Variants in PCLO observed in about 807,000 individuals in gnomAD.
PCLO encodes the protein protein piccolo.
In PCLO, 82 loss-of-function variants were observed where a neutral mutation model predicts 427.5. The ratio of observed to expected loss-of-function variants is 0.19; its 90% CI spans 0.16 to 0.23. The LOEUF (loss-of-function observed/expected upper bound fraction) is 0.23, where lower values mean the gene tolerates loss of function less well. Among genes scored for constraint, PCLO ranks in the 10% least tolerant of loss-of-function variants. The pLI is 1.00. For missense variants in PCLO, 6,239 were observed against 6,115.9 expected (o/e 1.02, Z -0.67); for synonymous variants, 2,357 against 2,155.4 (o/e 1.09, Z -2.59).
chr7:82,827,230 T>G (rs1024558893), intron 17 of PCLO, among the ~76,000 whole-genome samples: 1 of 152,144 alleles, frequency 6.6e-6, no homozygotes. Flanking sequence ...ACTGTCTTTA[T>G]AGTTTTCTCT....
At chr7:82,811,629 A>G (rs1241801712) in intron 20 of PCLO, among the ~76,000 whole-genome samples, 1 of 151,574 alleles carries the variant, frequency 6.6e-6, no homozygotes, top group East Asian at 1.9e-4. Flanking sequence ...GAGGTACTGC[A>G]TCTTAAAAGT....
chr7:83,152,767 T>G (rs2116677689), intron 2 of PCLO, among the ~76,000 whole-genome samples: 1 of 152,336 alleles, frequency 6.6e-6, no homozygotes, highest in South Asian at 2.1e-4. Context: ...CTTTCTACTC[T>G]GAAGTCCATA....
intron 3 of PCLO, among the ~76,000 whole-genome samples, chr7:82,969,498 A>G (rs902565921): frequency 2.0e-5 from 3 of 152,130 alleles, no homozygotes; most frequent in Non-Finnish European, 2.9e-5. Flanking sequence ...TATTTTTAAC[A>G]TAATGTTGCT....
At chr7:82,851,903 T>C (rs1792668461) in intron 10 of PCLO, among the ~76,000 whole-genome samples, 6 of 152,172 alleles carry the variant, frequency 3.9e-5, no homozygotes, top group Admixed American at 3.9e-4. Flanking sequence ...TTAGGCAGTG[T>C]TAATGTATGA....
In PCLO at chr7:82,952,013, C is replaced by A; in HGVS notation, c.8940G>T (p.Gly2980=). 1 of 1,613,922 alleles carries A rather than the reference C, an allele frequency of 6.2e-7. No homozygotes were observed. The highest frequency in any genetic ancestry group is 8.5e-7 in the Non-Finnish European group (1 of 1,179,846). ...RDDHYQYDRS[G]PYGYRGIGGM... ...CCCCAATCCCTCTATAACCATATGG[C>A]CCTGATCGATCATACTGATAGTGGT... The change falls in exon 5 of 25, where the codon GGG becomes GGT. Residue 2980 remains glycine, a synonymous_variant. Transcript: ENST00000333891.
rs1301885485 is a variant in PCLO, at chr7:82,845,384, C to T, written c.13933G>A (p.Glu4645Lys). 6.2e-7 allele frequency: 1 copy of T among 1,613,370 alleles called. No homozygotes were observed. Among genetic ancestry groups the T allele is most frequent in the Admixed American group, 1.7e-5 (1 of 59,920 alleles). ...CCTGAATGAACATGAGATCCTTTTT[C>T]AACAACTGATGACAGAACCAGCGGT... ...QSPLVLSSVV[E>K]KGSHVHSGPT... The change falls in exon 13 of 25, where the codon GAA (glutamate) becomes AAA (lysine). Residue 4645 changes from glutamate to lysine, a missense_variant. By Grantham distance (56) the Glu-to-Lys change is moderately conservative. Around this residue, in one of 5 missense-constraint regions of PCLO, gnomAD observed 877 missense variants for 925.5 expected, o/e 0.95. Coordinates refer to ENST00000333891, the MANE Select transcript of PCLO (RefSeq NM_033026.6).
Position 82,950,528 on chromosome 7 carries a change from C to T in PCLO, c.10060G>A (p.Asp3354Asn), listed in dbSNP as rs762424409. The T allele has an allele frequency of 1.2e-6, 2 of 1,613,856 alleles. No homozygotes were observed. Among genetic ancestry groups the T allele is most frequent in the East Asian group, 2.2e-5 (1 of 44,824 alleles). ...LEGSQFWATEDATTTASAVVA... is the reference protein window; with the variant it reads ...LEGSQFWATENATTTASAVVA... ...ACAGCTGAAGCTGTGGTGGTTGCAT[C>T]TTCAGTTGCCCAAAATTGACTGCCT... Residue 3354 changes from aspartate to asparagine, a missense_variant, in exon 6 of 25, where the codon GAT becomes AAT. Coordinates refer to ENST00000333891, the MANE Select transcript of PCLO (RefSeq NM_033026.6).
At chr7:82,809,652 A>G (rs900167448) in intron 20 of PCLO, among the ~76,000 whole-genome samples, 1 of 151,512 alleles carries the variant, frequency 6.6e-6, no homozygotes, top group Admixed American at 6.6e-5. Context: ...CAATCAAAAC[A>G]TCTGAATGAT....
At chr7:83,092,825 A>G (rs1202000751) in intron 3 of PCLO, among the ~76,000 whole-genome samples, 1 of 151,664 alleles carries the variant, frequency 6.6e-6, no homozygotes, top group Non-Finnish European at 1.5e-5. Flanking sequence ...TGAGTGCCTG[A>G]GATCCCAGCT....
intron 10 of PCLO, among the ~76,000 whole-genome samples, chr7:82,862,610 C>A (rs986397451): frequency 6.7e-6 from 1 of 148,400 alleles, no homozygotes; most frequent in Non-Finnish European, 1.5e-5. Flanking sequence ...ACCTAACTGT[C>A]CATCAACAGA....
intron 3 of PCLO, among the ~76,000 whole-genome samples, chr7:83,063,072 G>T (rs1789579052): frequency 1.3e-5 from 2 of 151,952 alleles, no homozygotes; most frequent in African/African-American, 4.8e-5. Flanking sequence ...TCTAAGCCTT[G>T]TAACAATCTA....
At chr7:82,835,341 GATT>G (rs1396522841) in intron 16 of PCLO, among the ~76,000 whole-genome samples, 1 of 152,132 alleles carries the variant, frequency 6.6e-6, no homozygotes, top group Non-Finnish European at 1.5e-5. Flanking sequence ...CTTAAATCAT[GATT>G]ATTATGTGAG....
Position 83,098,186 on chromosome 7 carries a change from T to C in PCLO, c.3300+36064A>G, listed in dbSNP as rs779967873. 1.4e-4 allele frequency among the ~76,000 whole-genome samples: 22 copies of C among 152,098 alleles called. 1 individual carries two copies. The highest frequency in any genetic ancestry group is 4.8e-4 in the African/African-American group (20 of 41,424). On this transcript the variant is annotated intron_variant, in intron 3 of 24. Transcript: ENST00000333891. ...TGACTTTGAAGTGCTTAAAGGATCA[T>C]AGCTTCTTCTGTTTACTAATACTAT...
At chr7:82,932,545 G>T (rs1177780194) in intron 6 of PCLO, among the ~76,000 whole-genome samples, 1 of 152,088 alleles carries the variant, frequency 6.6e-6, no homozygotes, top group African/African-American at 2.4e-5. Flanking sequence ...ATAATTTTCA[G>T]GTAATTTCAG....
intron 3 of PCLO, among the ~76,000 whole-genome samples, chr7:83,039,701 T>G (rs1227233978): frequency 6.6e-6 from 1 of 152,160 alleles, no homozygotes; most frequent in African/African-American, 2.4e-5. Context: ...TCCATATAAA[T>G]TTTAAGATTG....
intron 9 of PCLO, among the ~76,000 whole-genome samples, chr7:82,886,734 C>T (rs1443466910): frequency 2.0e-5 from 3 of 151,976 alleles, no homozygotes; most frequent in African/African-American, 7.2e-5. Flanking sequence ...TGGTTATTTT[C>T]ATTACTCTAT....
intron 3 of PCLO, among the ~76,000 whole-genome samples, chr7:83,022,109 A>G (rs1003120268): frequency 3.9e-5 from 6 of 152,066 alleles, no homozygotes; most frequent in Non-Finnish European, 8.8e-5. Context: ...ATGAGGGAGG[A>G]GCCCTCATGA....
intron 2 of PCLO, among the ~76,000 whole-genome samples, chr7:83,149,328 T>C (rs1031344151): frequency 3.3e-5 from 5 of 152,206 alleles, no homozygotes; most frequent in Non-Finnish European, 5.9e-5. Context: ...GACAGTGGTT[T>C]TCTCAGCTCT....
chr7:82,813,364 T>C (rs762276005), intron 20 of PCLO, among the ~76,000 whole-genome samples: 9 of 151,786 alleles, frequency 5.9e-5, no homozygotes, highest in Non-Finnish European at 1.2e-4. Context: ...TTTCTGTCTA[T>C]ATATAGATGG....
Sources: gnomAD v4.1 joint callset for allele counts (sites outside exome capture counted in the v4.1 genomes callset) on GRCh38, gnomAD v4.1.1 for gene constraint, gnomAD v4.1.1 regional missense constraint, MANE v1.5 for transcripts, NCBI Gene and HGNC (gene_info 2026-07-23, HGNC 2026-07-21) for gene names.